The following RIMS2 variants were observed in gnomAD, a reference collection of about 807,000 sequenced individuals.
RIMS2 encodes regulating synaptic membrane exocytosis 2.
A neutral mutation model predicts 174.4 loss-of-function variants in RIMS2; 59 were observed. The ratio of observed to expected loss-of-function variants is 0.34; its 90% CI spans 0.27 to 0.42. RIMS2 has a LOEUF of 0.42. RIMS2 is among the 10% of genes least tolerant of loss of function. The probability of loss-of-function intolerance (pLI) is 1.00; values close to 1 mark genes in which losing one functional copy is unlikely to be tolerated. For missense variants in RIMS2, 1,620 were observed against 1,666.3 expected, an observed-to-expected ratio of 0.97 and a Z score of 0.48; for synonymous variants, 606 against 572.5, an observed-to-expected ratio of 1.06 and a Z score of -0.84.
chr8:103,975,818 A>G (rs2093365794), intron 16 of RIMS2: 1 of 202,800 alleles, frequency 4.9e-6, no homozygotes, highest in Non-Finnish European at 9.8e-6. Context: ...CCAGAGTCCA[A>G]AGGCCAAAGA....
chr8:103,792,230 C>T (rs2154444131), intron 3 of RIMS2, among the ~76,000 whole-genome samples: 1 of 152,284 alleles, frequency 6.6e-6, no homozygotes, highest in East Asian at 1.9e-4. Context: ...TCTCTCAGAC[C>T]ACAGTGCAAT....
chr8:104,248,524 G>T (rs1563991755), intron 20 of RIMS2, among the ~76,000 whole-genome samples, 177 bp from the exon 27 acceptor site: 2 of 152,174 alleles, frequency 1.3e-5, no homozygotes. Context: ...TACTTGGGCT[G>T]CTGAGAATAT....
At chr8:103,605,949 C>T (rs1480193413) in intron 1 of RIMS2, among the ~76,000 whole-genome samples, 1 of 147,432 alleles carries the variant, frequency 6.8e-6, no homozygotes, top group African/African-American at 2.6e-5. Flanking sequence ...TTCAAAAAAC[C>T]AGCTCCTGGA....
intron 3 of RIMS2, among the ~76,000 whole-genome samples, chr8:103,880,071 T>C (rs2099160212): frequency 1.3e-5 from 2 of 151,638 alleles, no homozygotes; most frequent in Admixed American, 1.3e-4. Flanking sequence ...AAACATTGCC[T>C]TTTTACTGAA....
intron 19 of RIMS2, among the ~76,000 whole-genome samples, chr8:104,198,513 G>T (rs1281649081): frequency 2.6e-5 from 4 of 152,156 alleles, no homozygotes; most frequent in African/African-American, 9.7e-5. Flanking sequence ...AATAACCAAT[G>T]GGTACCCAGA....
intron 19 of RIMS2, among the ~76,000 whole-genome samples, chr8:104,161,152 TTAACA>T (rs2098758152): frequency 6.6e-6 from 1 of 152,214 alleles, no homozygotes; most frequent in African/African-American, 2.4e-5. Context: ...AATATTATTG[TTAACA>T]TAAGTTTAGC....
intron 17 of RIMS2, among the ~76,000 whole-genome samples, chr8:104,007,134 A>T (rs917257207): frequency 2.6e-5 from 4 of 152,060 alleles, no homozygotes; most frequent in African/African-American, 7.2e-5. Flanking sequence ...AACTTCTGAG[A>T]TTCCTTCTAT....
rs185667656 is a variant in RIMS2 at position 103,700,074 on chromosome 8, C to T, written c.387+2778C>T. The stretch of plus-strand genomic sequence containing the variant: ...TTTGGCCAGAATATTTTAAAATGCC[C>T]ACTCAAGGCCAGTTTCGTTGATAGA... On this transcript the variant is annotated intron_variant, in intron 2 of 23. Transcript: ENST00000504942. 2.2e-3 allele frequency among the ~76,000 whole-genome samples: 328 copies of T among 152,234 alleles called. 1 individual carries two copies. The highest frequency in any genetic ancestry group is 3.9e-3 in the Non-Finnish European group (263 of 67,998).
intron 1 of RIMS2, among the ~76,000 whole-genome samples, chr8:103,600,033 G>A (rs774641970): frequency 2.6e-5 from 4 of 151,714 alleles, no homozygotes; most frequent in African/African-American, 7.3e-5. Context: ...CCTCATCTCC[G>A]CTAACCCCTC....
intron 19 of RIMS2, among the ~76,000 whole-genome samples, chr8:104,199,715 A>G (rs2099044640): frequency 6.6e-6 from 1 of 152,212 alleles, no homozygotes; most frequent in African/African-American, 2.4e-5. Flanking sequence ...CAATAAGCAG[A>G]GATGCAGGAG....
At chr8:104,141,013 A>C (rs2098562433) in intron 19 of RIMS2, among the ~76,000 whole-genome samples, 1 of 152,206 alleles carries the variant, frequency 6.6e-6, no homozygotes, top group South Asian at 2.1e-4. Flanking sequence ...AGAGGAAGCA[A>C]GTGACACCTA....
intron 1 of RIMS2, among the ~76,000 whole-genome samples, chr8:103,528,193 T>G (rs1191601893): frequency 1.3e-5 from 2 of 152,200 alleles, no homozygotes; most frequent in African/African-American, 4.8e-5. Flanking sequence ...TGTCTTCTTT[T>G]GAGAAGTGTC....
intron 19 of RIMS2, among the ~76,000 whole-genome samples, chr8:104,221,930 C>G (rs1321939690): frequency 6.6e-6 from 1 of 152,148 alleles, no homozygotes; most frequent in African/African-American, 2.4e-5. Flanking sequence ...CTCCAATTGC[C>G]CTGGCCTGTC....
chr8:103,770,150 C>T (rs2098233953), intron 3 of RIMS2, among the ~76,000 whole-genome samples: 1 of 152,180 alleles, frequency 6.6e-6, no homozygotes, highest in South Asian at 2.1e-4. Flanking sequence ...CCAAATTTGA[C>T]TTGCCACTTG....
At chr8:103,849,938 T>C (rs2098988601) in intron 3 of RIMS2, among the ~76,000 whole-genome samples, 1 of 152,044 alleles carries the variant, frequency 6.6e-6, no homozygotes, top group Non-Finnish European at 1.5e-5. Flanking sequence ...ATTGAGTAAG[T>C]TGGTGAGGAA....
intron 19 of RIMS2, among the ~76,000 whole-genome samples, chr8:104,135,969 C>T (rs1481393003): frequency 1.3e-5 from 2 of 152,060 alleles, no homozygotes; most frequent in Non-Finnish European, 2.9e-5. Context: ...ATGTTATCCC[C>T]GTTTTATACA....
exon 1 of RIMS2, chr8:103,500,852 CCCCGCTTCCCTAGGGTGGTTCGGCT>C (rs775851230): frequency 6.7e-7 from 1 of 1,486,782 alleles, no homozygotes; most frequent in Non-Finnish European, 9.0e-7. Context: ...GGAGTTGCCT[CCCCGCTTCCCTAGGGTGGTTCGGCT>C]CCACCAAACA....
At chr8:104,040,121 G>C (rs904243965) in intron 19 of RIMS2, among the ~76,000 whole-genome samples, 1 of 151,486 alleles carries the variant, frequency 6.6e-6, no homozygotes, top group Admixed American at 6.6e-5. Context: ...TTCATATAAA[G>C]AGACAAATTT....
chr8:103,671,139 A>G (rs2136348393), intron 1 of RIMS2, among the ~76,000 whole-genome samples: 1 of 152,292 alleles, frequency 6.6e-6, no homozygotes, highest in East Asian at 1.9e-4. Flanking sequence ...GTTTCCCCTT[A>G]TAAAACCATC....
Sources: gnomAD v4.1 joint callset for allele counts (sites outside exome capture counted in the v4.1 genomes callset) on GRCh38, gnomAD v4.1.1 for gene constraint, MANE v1.5 for transcripts, NCBI Gene and HGNC (gene_info 2026-07-23, HGNC 2026-07-21) for gene names.